ICE2: variants seen among roughly 807,000 people sequenced by gnomAD.
ICE2 encodes little elongation complex subunit 2.
ICE2 carries 87 observed loss-of-function variants against 105.4 expected under a neutral mutation model. That is an observed-to-expected ratio of 0.83 (90% CI 0.69 to 0.99). The LOEUF is 0.99. Among genes scored for constraint, ICE2 ranks in the 50% least tolerant of loss-of-function variants. The probability of loss-of-function intolerance (pLI) is 0.00; values close to 1 mark genes in which losing one functional copy is unlikely to be tolerated. For synonymous variants in ICE2, 399 were observed against 392.0 expected (o/e 1.02, Z -0.21); for missense variants, 1,323 against 1,146.7 (o/e 1.15, Z -2.22).
chr15:60,448,946 G>GA lies in ICE2; in HGVS notation c.2020dup (p.Ser674PhefsTer2). 6.2e-7 allele frequency: 1 copy of GA among 1,614,024 alleles called. No individual in the cohort carries two copies. The highest frequency in any genetic ancestry group is 8.5e-7 in the Non-Finnish European group (1 of 1,179,912). On this transcript the variant is annotated frameshift_variant, in exon 10 of 16. Transcript: ENST00000261520. LOFTEE classifies it high-confidence loss of function. ...TTGCTCAGAAACAGAAGGCTGTTTA[G>GA]AATTTTCTAAATTCATTAAGGGCAA...
At chr15:60,465,781 C>T (rs1230950058) in intron 5 of ICE2, among the ~76,000 whole-genome samples, 12 of 131,610 alleles carry the variant, frequency 9.1e-5, no homozygotes, top group East Asian at 2.2e-4. Context: ...GACAGGGTAT[C>T]GCTCTGTCAC....
chr15:60,425,483 G>A (rs2063321410), intron 15 of ICE2, among the ~76,000 whole-genome samples: 1 of 152,190 alleles, frequency 6.6e-6, no homozygotes, highest in Admixed American at 6.5e-5. Flanking sequence ...GGATAAGTGT[G>A]AAGCTGCTGC....
At position 60,471,532 on chromosome 15, in the gene ICE2, C is replaced by T. The variant is rs570040656; in HGVS notation, c.147-3210G>A. Among the ~76,000 whole-genome samples, 9 of 152,270 alleles carry T rather than the reference C, an allele frequency of 5.9e-5. No homozygotes were observed. In the South Asian group the frequency reaches 1.0e-3, roughly 18 times the overall value. On this transcript the variant is annotated intron_variant, in intron 3 of 15. Transcript: ENST00000261520. ...CAGCAACAAGATGCTGACTCAGATA[C>T]GCCAGACTAGGAATGTCAAGAAATT...
At chr15:60,427,322 A>G (rs1018726251) in intron 15 of ICE2, among the ~76,000 whole-genome samples, 14 of 152,268 alleles carry the variant, frequency 9.2e-5, no homozygotes, top group African/African-American at 3.4e-4. Context: ...GACTCAGACA[A>G]TAATTCTGAC....
rs148687714 is a variant in ICE2 at position 60,453,769 on chromosome 15, T to G, written c.959A>C (p.Lys320Thr). Residue 320 changes from lysine to threonine, a missense_variant, in exon 9 of 16, where the codon AAA becomes ACA. Physicochemically the swap from Lys to Thr is moderately conservative, Grantham distance 78. Coordinates refer to ENST00000261520, the MANE Select transcript of ICE2 (RefSeq NM_024611.6). ...VIPVAGSKPV[K>T]VIYINSPLPQ... is the part of the protein sequence containing the mutation. ...AAGTGGTGAATTAATATATATTACT[T>G]TAACTGGTTTTGAACCTTAAAACAG... is the stretch of plus-strand genomic sequence containing the variant. The G allele has an allele frequency of 2.2e-5, 34 of 1,576,024 alleles. No homozygotes were observed. The highest frequency in any genetic ancestry group is 2.9e-5 in the Non-Finnish European group (33 of 1,146,224).
At chr15:60,446,465 G>A (rs1477194448) in intron 11 of ICE2, among the ~76,000 whole-genome samples, 2 of 152,054 alleles carry the variant, frequency 1.3e-5, no homozygotes, top group South Asian at 2.1e-4. Context: ...GTGCGATCTC[G>A]GCTCACTGCA....
chr15:60,436,493 TCAAAGCCTACAATTTATGAA>T (rs770804576), intron 12 of ICE2, among the ~76,000 whole-genome samples: 87 of 152,048 alleles, frequency 5.7e-4, no homozygotes, highest in Admixed American at 1.1e-3. Flanking sequence ...CGAAATCATT[TCAAAGCCTACAATTTATGAA>T]CAACAACTAT....
At chr15:60,473,596 A>G (rs1035195947) in intron 3 of ICE2, among the ~76,000 whole-genome samples, 1 of 151,910 alleles carries the variant, frequency 6.6e-6, no homozygotes, top group African/African-American at 2.4e-5. Flanking sequence ...GCCTGACCTG[A>G]GATGATTCTT....
At position 60,449,735 on chromosome 15, in the gene ICE2, G is replaced by A. The variant is rs141541124; in HGVS notation, c.1232C>T (p.Thr411Ile). 6.2e-7 allele frequency: 1 copy of A among 1,613,976 alleles called. No homozygotes were observed. Among genetic ancestry groups the A allele is most frequent in the African/African-American group, 1.3e-5 (1 of 74,878 alleles). The change falls in exon 10 of 16, where the codon ACC becomes ATC. Residue 411 changes from threonine (T) to isoleucine (I), a missense_variant. Transcript: ENST00000261520. Reference sequence around the variant, plus strand: ...TGGACTTGGTGATTTTGATACTTTGGTGGTGGTTACTCCAAAAGTTTCAAG... The same window carrying A: ...TGGACTTGGTGATTTTGATACTTTGATGGTGGTTACTCCAAAAGTTTCAAG... ...TELETFGVTT[T>I]KVSKSPSPAS...
intron 11 of ICE2, chr15:60,447,547 T>C (rs533177607): frequency 6.5e-6 from 1 of 153,622 alleles, no homozygotes; most frequent in African/African-American, 2.4e-5. Flanking sequence ...ATCCACCATA[T>C]ACATAGAGCC....
rs1013082741 is a variant in ICE2 at position 60,453,379 on chromosome 15, T to C, written c.1125+224A>G. ...ATCAAACTTAACCCTCATAATAACC[T>C]TGTCAAGTAGGTACTACTTCCTTTC... is the stretch of plus-strand genomic sequence containing the variant. On this transcript the variant is annotated intron_variant, in intron 9 of 15. Transcript: ENST00000261520. 130 of 1,326,180 alleles carry C rather than the reference T, an allele frequency of 9.8e-5. 1 individual carries two copies. Among genetic ancestry groups the C allele is most frequent in the Non-Finnish European group, 1.2e-4 (124 of 1,039,886 alleles). The allele number at this position is 1,326,180 out of a possible 1,614,324, so 82.2% of individuals were successfully genotyped here. A position where few individuals can be genotyped will look rare whatever the true frequency, so the allele number is the denominator to read the frequency against.
chr15:60,466,089 A>G (rs1033947389), intron 5 of ICE2, among the ~76,000 whole-genome samples: 1 of 152,134 alleles, frequency 6.6e-6, no homozygotes, highest in Admixed American at 6.6e-5. Flanking sequence ...GGTAGGCTCA[A>G]TGAATGATGG....
chr15:60,471,709 A>G (rs867171908), intron 3 of ICE2, among the ~76,000 whole-genome samples: 3 of 151,716 alleles, frequency 2.0e-5, no homozygotes, highest in Non-Finnish European at 2.9e-5. Flanking sequence ...ATTATATTTT[A>G]TTTTGGTTGA....
intron 9 of ICE2, chr15:60,451,972 A>T: frequency 2.0e-6 from 1 of 502,404 alleles, no homozygotes; most frequent in South Asian, 8.6e-5. Flanking sequence ...TCTAAGAAAG[A>T]CATTTTAATA....
At position 60,455,056 on chromosome 15, in the gene ICE2, G is replaced by A. The variant is rs751628653; in HGVS notation, c.890C>T (p.Thr297Met). ...TGGAATTTCCCACTGTTCCTTGTACGTTGGTCCATGATTATTTAATAAGGT... is the reference window on the plus strand; with the variant it reads ...TGGAATTTCCCACTGTTCCTTGTACATTGGTCCATGATTATTTAATAAGGT... ...LFTLLNNHGP[T>M]YKEQWEIPVC... Residue 297 changes from threonine to methionine, a missense_variant, in exon 8 of 16, where the codon ACG becomes ATG. By Grantham distance (81) the Thr-to-Met change is moderately conservative. Coordinates refer to ENST00000261520, the MANE Select transcript of ICE2 (RefSeq NM_024611.6). The A allele has an allele frequency of 1.9e-5, 30 of 1,596,476 alleles. No individual in the cohort carries two copies. Among genetic ancestry groups the A allele is most frequent in the Non-Finnish European group, 2.2e-5 (26 of 1,174,786 alleles).
At chr15:60,467,968 T>C (rs967285252) in intron 4 of ICE2, 93 bp downstream of exon 4, 1 of 1,179,884 alleles carries the variant, frequency 8.5e-7, no homozygotes, top group South Asian at 1.9e-5. Flanking sequence ...TTAAAAAAAA[T>C]GACGGGACCT....
At chr15:60,447,135 A>G (rs2063839470) in intron 11 of ICE2, among the ~76,000 whole-genome samples, 1 of 152,148 alleles carries the variant, frequency 6.6e-6, no homozygotes, top group Non-Finnish European at 1.5e-5. Flanking sequence ...TCAAACCCAA[A>G]AGAAACAACA....
At chr15:60,472,070 C>T (rs983464840) in intron 3 of ICE2, among the ~76,000 whole-genome samples, 3 of 151,684 alleles carry the variant, frequency 2.0e-5, no homozygotes, top group Non-Finnish European at 4.4e-5. Context: ...AAAAGGTAAT[C>T]GTTTACAGTG....
chr15:60,478,344 G>C (rs966499088), intron 1 of ICE2, among the ~76,000 whole-genome samples: 1 of 152,220 alleles, frequency 6.6e-6, no homozygotes, highest in Non-Finnish European at 1.5e-5. Flanking sequence ...TTACATACTA[G>C]GCCACTTGAT....
Sources: gnomAD v4.1 joint callset for allele counts (sites outside exome capture counted in the v4.1 genomes callset) on GRCh38, gnomAD v4.1.1 for gene constraint, MANE v1.5 for transcripts, NCBI Gene and HGNC (gene_info 2026-07-23, HGNC 2026-07-21) for gene names.